The following CCDC150 variants were observed in gnomAD, a reference collection of about 807,000 sequenced individuals.
CCDC150 encodes the protein coiled-coil domain-containing protein 150.
A neutral mutation model predicts 156.5 loss-of-function variants in CCDC150; 151 were observed. That is an observed-to-expected ratio of 0.97 (90% CI 0.85 to 1.10). CCDC150 has a LOEUF of 1.10. Ranked by LOEUF, CCDC150 falls within the 50% of genes least tolerant of loss-of-function variation. CCDC150 has a pLI of 0.00. For missense variants in CCDC150, 1,312 were observed against 1,268.1 expected, an observed-to-expected ratio of 1.03 and a Z score of -0.53; for synonymous variants, 452 against 429.4, an observed-to-expected ratio of 1.05 and a Z score of -0.65.
chr2:196,670,228 C>T (rs1694121213), intron 8 of CCDC150, among the ~76,000 whole-genome samples: 1 of 152,026 alleles, frequency 6.6e-6, no homozygotes, highest in Non-Finnish European at 1.5e-5. Context: ...ACACTACACA[C>T]TTACAGTGAT....
intron 1 of CCDC150, among the ~76,000 whole-genome samples, chr2:196,643,626 C>G (rs1692367542): frequency 6.6e-6 from 1 of 152,168 alleles, no homozygotes; most frequent in African/African-American, 2.4e-5. Context: ...GGGAGCTTCT[C>G]CATTTCCATT....
chr2:196,660,948 A>G (rs1225564779), intron 5 of CCDC150, among the ~76,000 whole-genome samples: 3 of 152,050 alleles, frequency 2.0e-5, no homozygotes, highest in Non-Finnish European at 4.4e-5. Context: ...TAGGTCTTTG[A>G]TCTATTTTGA....
Position 196,672,360 on chromosome 2 carries a change from T to C in CCDC150, c.952T>C (p.Phe318Leu). 1 of 1,531,672 alleles carries C rather than the reference T, an allele frequency of 6.5e-7. No homozygotes were observed. The allele number at this position is 1,531,672 out of a possible 1,614,324, so 94.9% of individuals were successfully genotyped here. Residue 318 changes from phenylalanine to leucine, a missense_variant, in exon 9 of 28, where the codon TTC (phenylalanine) becomes CTC (leucine). Transcript: ENST00000389175. ...VEENKNLQIS[F>L]NKEHEENAYL... is the part of the protein sequence containing the mutation. ...TTTCTTATAGAACCTGCAGATATCT[T>C]TCAACAAGGAACATGAAGAAAATGC... is the stretch of plus-strand genomic sequence containing the variant.
chr2:196,707,017 T>C (rs555575362), intron 15 of CCDC150, among the ~76,000 whole-genome samples: 4 of 152,364 alleles, frequency 2.6e-5, no homozygotes, highest in Middle Eastern at 3.4e-3. Context: ...AGGATGATGC[T>C]GGCCTCATAA....
intron 15 of CCDC150, among the ~76,000 whole-genome samples, chr2:196,707,019 G>C (rs375425189): frequency 6.6e-6 from 1 of 152,156 alleles, no homozygotes; most frequent in Admixed American, 6.5e-5. Flanking sequence ...GATGATGCTG[G>C]CCTCATAAAA....
At chr2:196,642,923 G>A (rs550508010) in intron 1 of CCDC150, among the ~76,000 whole-genome samples, 2 of 152,154 alleles carry the variant, frequency 1.3e-5, no homozygotes, top group South Asian at 4.2e-4. Context: ...AAAATTTTTG[G>A]AAGAGAATAG....
Position 196,726,503 on chromosome 2 carries a change from T to C in CCDC150, c.2556+404T>C, listed in dbSNP as rs1698217425. ...GCCCCAGTGTGTGCCAAATGACCCTTGTTTGGGATCTCCACTCCGGAAATG... is the reference window on the plus strand; with the variant it reads ...GCCCCAGTGTGTGCCAAATGACCCTCGTTTGGGATCTCCACTCCGGAAATG... On this transcript the variant is annotated intron_variant, in intron 22 of 27. Coordinates refer to ENST00000389175, the MANE Select transcript of CCDC150 (RefSeq NM_001080539.2). 5 of 156,204 alleles carry C rather than the reference T, an allele frequency of 3.2e-5. No individual in the cohort carries two copies. In the South Asian group the frequency reaches 9.9e-4, roughly 31 times the overall value. 9.7% of individuals were successfully genotyped at this position (156,204 alleles called of 1,614,324 possible).
At chr2:196,710,626 C>A (rs1393895333) in intron 15 of CCDC150, among the ~76,000 whole-genome samples, 1 of 152,104 alleles carries the variant, frequency 6.6e-6, no homozygotes, top group Non-Finnish European at 1.5e-5. Flanking sequence ...CCTATTTGGT[C>A]ATCTTGGAAT....
chr2:196,662,474 C>A (rs1231699737), intron 5 of CCDC150, among the ~76,000 whole-genome samples: 1 of 152,102 alleles, frequency 6.6e-6, no homozygotes. Context: ...AAGCGTGCAA[C>A]CTAGATCCCT....
At chr2:196,704,992 G>C (rs944725423) in intron 15 of CCDC150, among the ~76,000 whole-genome samples, 3 of 152,144 alleles carry the variant, frequency 2.0e-5, no homozygotes, top group Non-Finnish European at 4.4e-5. Context: ...TTGCTATTGT[G>C]AATAGTGCCG....
chr2:196,686,106 CT>C (rs1169543378), intron 13 of CCDC150: 2 of 189,798 alleles, frequency 1.1e-5, no homozygotes, highest in Non-Finnish European at 1.1e-5. Flanking sequence ...TGGGGCATGT[CT>C]TTTACACTCA....
At chr2:196,721,809 G>A in intron 21 of CCDC150, 118 bp downstream of exon 21, 1 of 810,796 alleles carries the variant, frequency 1.2e-6, no homozygotes, top group Non-Finnish European at 1.9e-6. Flanking sequence ...CTTTGCCCTA[G>A]TACTTCCAGC....
intron 5 of CCDC150, among the ~76,000 whole-genome samples, chr2:196,663,842 G>A (rs1311809008): frequency 6.6e-6 from 1 of 151,926 alleles, no homozygotes; most frequent in East Asian, 1.9e-4. Flanking sequence ...TGTCATCTAC[G>A]CTGGGGTTTT....
intron 1 of CCDC150, among the ~76,000 whole-genome samples, chr2:196,645,117 C>G (rs774557967): frequency 4.6e-5 from 7 of 152,046 alleles, no homozygotes; most frequent in Non-Finnish European, 1.0e-4. Context: ...GAGCAAGACT[C>G]TGCCTCGAAA....
At chr2:196,668,944 A>C (rs922210936) in intron 7 of CCDC150, among the ~76,000 whole-genome samples, 5 of 152,168 alleles carry the variant, frequency 3.3e-5, no homozygotes, top group Admixed American at 3.3e-4. Flanking sequence ...ATCAGTTTTT[A>C]TGTGTTTTAT....
chr2:196,645,016 C>G (rs1239406310), intron 1 of CCDC150, among the ~76,000 whole-genome samples: 7 of 151,894 alleles, frequency 4.6e-5, no homozygotes, highest in African/African-American at 1.7e-4. Context: ...CTCAGCTACC[C>G]GAGAGGCTGA....
chr2:196,676,291 T>A, intron 11 of CCDC150, 24 bp downstream of exon 11: 1 of 1,611,236 alleles, frequency 6.2e-7, no homozygotes, highest in Non-Finnish European at 8.5e-7. Flanking sequence ...GGGCAACTTC[T>A]TATACATCTT....
At chr2:196,719,758 T>C in intron 19 of CCDC150, 92 bp downstream of exon 19, 3 of 869,268 alleles carry the variant, frequency 3.5e-6, no homozygotes, top group Non-Finnish European at 4.7e-6. Flanking sequence ...TTATGTAGCT[T>C]CCTTTACAAA....
intron 7 of CCDC150, chr2:196,667,808 G>A (rs1262606706): frequency 6.6e-6 from 1 of 152,154 alleles, no homozygotes; most frequent in African/African-American, 2.4e-5. Context: ...ACTGCTTTTA[G>A]CAGAAAGTAT....
Sources: gnomAD v4.1 joint callset for allele counts (sites outside exome capture counted in the v4.1 genomes callset) on GRCh38, gnomAD v4.1.1 for gene constraint, MANE v1.5 for transcripts, NCBI Gene and HGNC (gene_info 2026-07-23, HGNC 2026-07-21) for gene names.